CCDC186: variants seen among roughly 807,000 people sequenced by gnomAD.
The protein encoded by CCDC186 is coiled-coil domain-containing protein 186.
CCDC186 carries 49 observed loss-of-function variants against 113.7 expected under a neutral mutation model. That is an observed-to-expected ratio of 0.43 (90% CI 0.34 to 0.55). CCDC186 has a LOEUF of 0.55. Among genes scored for constraint, CCDC186 ranks in the 20% least tolerant of loss-of-function variants. The pLI is 0.02. For missense variants in CCDC186, 890 were observed against 1,011.1 expected, an observed-to-expected ratio of 0.88 and a Z score of 1.62; for synonymous variants, 355 against 345.8, an observed-to-expected ratio of 1.03 and a Z score of -0.30.
rs369273481 is a variant in CCDC186 at position 114,155,400 on chromosome 10, C to T, written c.759+2154G>A. On this transcript the variant is annotated intron_variant, in intron 3 of 15. Transcript: ENST00000369287. ...CTTTAAAAAGTAAAAAGAAGCTGGG[C>T]GCAGTGGCTCACGCCTGTAATCCCA... Among the ~76,000 whole-genome samples the T allele has an allele frequency of 1.7e-4, 26 of 152,266 alleles. No homozygotes were observed. The South Asian group carries it at 4.3e-3, about 25-fold the overall frequency.
chr10:114,139,558 A>G (rs2031399253), intron 6 of CCDC186, among the ~76,000 whole-genome samples: 2 of 148,350 alleles, frequency 1.3e-5, no homozygotes, highest in Non-Finnish European at 3.0e-5. Context: ...GCAAGACTCC[A>G]TCTCAAAAAA....
At chr10:114,168,690 TC>T (rs2032404224) in intron 1 of CCDC186, among the ~76,000 whole-genome samples, 2 of 152,084 alleles carry the variant, frequency 1.3e-5, no homozygotes, top group South Asian at 4.2e-4. Flanking sequence ...CACCAAATTA[TC>T]CTTAAAAAAC....
chr10:114,170,408 A>G (rs2032458267), intron 1 of CCDC186, among the ~76,000 whole-genome samples: 2 of 152,116 alleles, frequency 1.3e-5, no homozygotes, highest in African/African-American at 4.8e-5. Flanking sequence ...GCAGCCTCAA[A>G]TTCCTGGGCT....
At chr10:114,153,701 G>A (rs908748332) in intron 3 of CCDC186, among the ~76,000 whole-genome samples, 10 of 150,742 alleles carry the variant, frequency 6.6e-5, no homozygotes, top group Non-Finnish European at 1.3e-4. Flanking sequence ...CAGGAGAATC[G>A]CTTGAACTCA....
At chr10:114,153,898 A>T (rs895520716) in intron 3 of CCDC186, among the ~76,000 whole-genome samples, 1 of 151,778 alleles carries the variant, frequency 6.6e-6, no homozygotes, top group African/African-American at 2.4e-5. Context: ...GAAGAAAAAA[A>T]TAAAAACTAG....
At chr10:114,160,980 C>T (rs1849041897) in intron 2 of CCDC186, among the ~76,000 whole-genome samples, 1 of 152,182 alleles carries the variant, frequency 6.6e-6, no homozygotes. Flanking sequence ...AAATCTTTCA[C>T]TCAAAGAGGT....
intron 1 of CCDC186, among the ~76,000 whole-genome samples, chr10:114,172,841 C>G (rs1331090100): frequency 6.6e-6 from 1 of 152,186 alleles, no homozygotes; most frequent in East Asian, 1.9e-4. Context: ...GAACAGTGTA[C>G]ATTACACACA....
chr10:114,157,739 TG>T, intron 2 of CCDC186, 59 bp from the exon 3 acceptor site: 2 of 1,342,050 alleles, frequency 1.5e-6, no homozygotes, highest in Non-Finnish European at 2.0e-6. Flanking sequence ...TAAAATAATA[TG>T]TGGAATATAA....
At chr10:114,136,107 T>C (rs750119019) in intron 8 of CCDC186, 41 bp downstream of exon 8, 4 of 1,553,900 alleles carry the variant, frequency 2.6e-6, no homozygotes, top group Non-Finnish European at 8.9e-7. Flanking sequence ...TTTCTGTATT[T>C]ATTATGCAAC....
intron 3 of CCDC186, among the ~76,000 whole-genome samples, chr10:114,156,758 A>C (rs2119817319): frequency 6.6e-6 from 1 of 152,324 alleles, no homozygotes. Flanking sequence ...ATTAAAAAAA[A>C]GAAGGAAAAG....
At chr10:114,128,889 T>C (rs2030996712) in intron 13 of CCDC186, among the ~76,000 whole-genome samples, 1 of 152,234 alleles carries the variant, frequency 6.6e-6, no homozygotes, top group African/African-American at 2.4e-5. Context: ...TGTTCTTGGG[T>C]GTTAAAAGAA....
intron 10 of CCDC186, among the ~76,000 whole-genome samples, chr10:114,133,918 A>G (rs1285519739): frequency 6.6e-6 from 1 of 152,244 alleles, no homozygotes; most frequent in East Asian, 1.9e-4. Context: ...TATTTTTAAA[A>G]GACAATTATG....
chr10:114,150,105 A>T (rs1378266517), intron 4 of CCDC186, among the ~76,000 whole-genome samples: 1 of 152,210 alleles, frequency 6.6e-6, no homozygotes, highest in Non-Finnish European at 1.5e-5. Context: ...TCCTTCCAGA[A>T]TGCCATCTAC....
chr10:114,154,518 A>G (rs996197026), intron 3 of CCDC186, among the ~76,000 whole-genome samples: 3 of 152,188 alleles, frequency 2.0e-5, no homozygotes, highest in African/African-American at 4.8e-5. Flanking sequence ...GAATAGACCT[A>G]TAACAAGTAG....
intron 1 of CCDC186, among the ~76,000 whole-genome samples, chr10:114,166,414 C>G (rs896089727): frequency 6.6e-6 from 1 of 152,228 alleles, no homozygotes; most frequent in African/African-American, 2.4e-5. Context: ...CAAATTTTCT[C>G]TCATCACAAG....
chr10:114,151,666 A>G (rs2031860781), intron 3 of CCDC186, among the ~76,000 whole-genome samples: 1 of 152,232 alleles, frequency 6.6e-6, no homozygotes, highest in Non-Finnish European at 1.5e-5. Flanking sequence ...TTTGTCCAGC[A>G]TGTCTGCATT....
rs1372408690 is a variant in CCDC186, at chr10:114,122,839, T to A, written c.*2304A>T. 6.6e-6 allele frequency: 1 copy of A among 152,230 alleles called. No individual in the cohort carries two copies. The highest frequency in any genetic ancestry group is 1.5e-5 in the Non-Finnish European group (1 of 68,038). The allele number at this position is 152,230 out of a possible 1,614,324, so 9.4% of individuals were successfully genotyped here. On this transcript the variant is annotated 3_prime_UTR_variant, in exon 16 of 16. Coordinates refer to ENST00000369287, the MANE Select transcript of CCDC186 (RefSeq NM_018017.4). ...TTTTCTTTAAAAAATTTCCAGTTTC[T>A]AAAATGTATAAGGCAAAACAGGTAA...
chr10:114,157,012 C>G (rs1484021493), intron 3 of CCDC186, among the ~76,000 whole-genome samples: 1 of 152,102 alleles, frequency 6.6e-6, no homozygotes, highest in African/African-American at 2.4e-5. Context: ...TGTTCTACTA[C>G]ATGCAGTACA....
intron 4 of CCDC186, among the ~76,000 whole-genome samples, chr10:114,149,830 A>AAGGCAGGAAGGCAGGCAGGC (rs1339944845): frequency 2.7e-5 from 3 of 109,858 alleles, no homozygotes; most frequent in African/African-American, 4.0e-5. Context: ...GGAAGGCAGG[A>AAGGCAGGAAGGCAGGCAGGC]AGGCAGGAAG....
Sources: allele counts gnomAD v4.1 joint callset (sites outside exome capture counted in the v4.1 genomes callset), GRCh38; gene constraint gnomAD v4.1.1; transcripts MANE v1.5; gene names NCBI Gene and HGNC (gene_info 2026-07-23, HGNC 2026-07-21).